The following PLEKHG1 variants were observed in gnomAD, a reference collection of about 807,000 sequenced individuals.
The protein encoded by PLEKHG1 is pleckstrin homology and RhoGEF domain containing G1.
In PLEKHG1, 44 loss-of-function variants were observed where a neutral mutation model predicts 100.8. The observed-to-expected ratio is 0.44, with a 90% CI of 0.34 to 0.56. The LOEUF is 0.56. Among genes scored for constraint, PLEKHG1 ranks in the 20% least tolerant of loss-of-function variants. The pLI, the probability that PLEKHG1 is intolerant of heterozygous loss-of-function variation, is 0.01. For missense variants in PLEKHG1, 1,545 were observed against 1,720.9 expected (o/e 0.90, Z 1.81); for synonymous variants, 640 against 662.5 (o/e 0.97, Z 0.52).
intron 10 of PLEKHG1, among the ~76,000 whole-genome samples, chr6:150,812,468 GAC>G (rs1028750384): frequency 5.3e-5 from 8 of 152,144 alleles, no homozygotes; most frequent in African/African-American, 1.7e-4. Flanking sequence ...AGATGGGGGA[GAC>G]ACAGTCTCAA....
At chr6:150,703,567 C>A (rs1416668230) in intron 3 of PLEKHG1, among the ~76,000 whole-genome samples, 2 of 149,060 alleles carry the variant, frequency 1.3e-5, no homozygotes, top group East Asian at 4.0e-4. Flanking sequence ...CGCCACTGCA[C>A]TCTTGCCTGG....
At chr6:150,700,089 A>G (rs1402054479) in intron 3 of PLEKHG1, among the ~76,000 whole-genome samples, 1 of 152,168 alleles carries the variant, frequency 6.6e-6, no homozygotes. Flanking sequence ...GGAAGGACCC[A>G]ATATTACAGT....
chr6:150,783,461 C>G (rs1785440360), intron 3 of PLEKHG1, among the ~76,000 whole-genome samples: 1 of 151,950 alleles, frequency 6.6e-6, no homozygotes, highest in African/African-American at 2.4e-5. Flanking sequence ...TCTCTGCCTC[C>G]CAGGCTCAAG....
chr6:150,809,900 A>T (rs1787387829), intron 10 of PLEKHG1, among the ~76,000 whole-genome samples, 166 bp downstream of exon 11: 1 of 151,804 alleles, frequency 6.6e-6, no homozygotes, highest in Admixed American at 6.6e-5. Flanking sequence ...TCAAAAAAAA[A>T]AAAAAGAGTT....
At chr6:150,804,538 G>A (rs1389117567) in intron 6 of PLEKHG1, 72 bp from the exon 8 acceptor site, 3 of 1,216,316 alleles carry the variant, frequency 2.5e-6, no homozygotes, top group Non-Finnish European at 3.5e-6. Flanking sequence ...AATCATAGCG[G>A]TGCCATTTGT....
At chr6:150,670,399 TAA>T (rs777731366) in intron 3 of PLEKHG1, among the ~76,000 whole-genome samples, 4 of 152,190 alleles carry the variant, frequency 2.6e-5, no homozygotes, top group Non-Finnish European at 5.9e-5. Context: ...AGAGTAAACC[TAA>T]GAACAAGGCA....
intron 3 of PLEKHG1, among the ~76,000 whole-genome samples, chr6:150,686,424 G>A (rs544786623): frequency 6.6e-6 from 1 of 152,308 alleles, no homozygotes; most frequent in Admixed American, 6.5e-5. Flanking sequence ...AATTTAGCAA[G>A]GAAAATAGTC....
intron 3 of PLEKHG1, among the ~76,000 whole-genome samples, chr6:150,773,538 A>C (rs1562505725): frequency 6.6e-6 from 1 of 152,000 alleles, no homozygotes; most frequent in African/African-American, 2.4e-5. Flanking sequence ...CGTCTCAAAA[A>C]ATAAAAATAA....
At chr6:150,751,241 C>T (rs1390094293) in intron 2 of PLEKHG1, among the ~76,000 whole-genome samples, 1 of 151,168 alleles carries the variant, frequency 6.6e-6, no homozygotes, top group Non-Finnish European at 1.5e-5. Context: ...TTCATTTCCA[C>T]TGTAATAGAG....
intron 3 of PLEKHG1, among the ~76,000 whole-genome samples, chr6:150,703,617 A>AAC (rs761484171): frequency 0.058 from 8,700 of 151,188 alleles, 311 homozygotes; most frequent in South Asian, 0.09. Flanking sequence ...AAAAAAAACA[A>AAC]AACAACTTTT....
chr6:150,723,376 C>G (rs1056590986), intron 1 of PLEKHG1, among the ~76,000 whole-genome samples: 1 of 152,188 alleles, frequency 6.6e-6, no homozygotes, highest in African/African-American at 2.4e-5. Flanking sequence ...CCTGTGCACA[C>G]ATAGCCACAC....
chr6:150,774,531 A>ATTT (rs61521577), intron 3 of PLEKHG1, among the ~76,000 whole-genome samples: 1,370 of 86,968 alleles, frequency 0.016, 158 homozygotes, highest in African/African-American at 0.049. Flanking sequence ...ATTAGTTTGA[A>ATTT]TTTTTTTTTT....
At chr6:150,741,254 C>T (rs911526731) in intron 2 of PLEKHG1, among the ~76,000 whole-genome samples, 7 of 152,194 alleles carry the variant, frequency 4.6e-5, no homozygotes, top group Admixed American at 6.5e-5. Context: ...TTGAGATTTG[C>T]AGAGTTGCTC....
exon 16 of PLEKHG1, chr6:150,842,047 T>C (rs1777551454): frequency 6.6e-6 from 1 of 152,250 alleles, no homozygotes; most frequent in African/African-American, 2.4e-5. Flanking sequence ...TAACACCTTT[T>C]ATATTCTGAC....
intron 3 of PLEKHG1, among the ~76,000 whole-genome samples, chr6:150,775,235 A>G (rs372169468): frequency 2.0e-5 from 3 of 152,320 alleles, no homozygotes; most frequent in Admixed American, 1.3e-4. Flanking sequence ...ACCAAAAAAG[A>G]AATGCCAAGT....
chr6:150,745,259 C>G (rs1452826426), intron 2 of PLEKHG1, among the ~76,000 whole-genome samples: 1 of 152,188 alleles, frequency 6.6e-6, no homozygotes, highest in Non-Finnish European at 1.5e-5. Context: ...TGTATCTAAG[C>G]ACAGAAAAGG....
intron 3 of PLEKHG1, among the ~76,000 whole-genome samples, chr6:150,780,759 C>T (rs1024686058): frequency 3.3e-5 from 5 of 152,106 alleles, no homozygotes; most frequent in Non-Finnish European, 5.9e-5. Flanking sequence ...ATGATGTTAA[C>T]GTCGTTCTTG....
At chr6:150,804,847 C>G in intron 7 of PLEKHG1, 106 bp downstream of exon 8, 3 of 1,015,408 alleles carry the variant, frequency 3.0e-6, no homozygotes, top group Non-Finnish European at 4.3e-6. Flanking sequence ...CACTCATCAT[C>G]TTCAGTGTAG....
chr6:150,673,126 C>T (rs770688337), intron 3 of PLEKHG1, among the ~76,000 whole-genome samples: 1 of 152,084 alleles, frequency 6.6e-6, no homozygotes, highest in African/African-American at 2.4e-5. Flanking sequence ...TAATTTAGGT[C>T]TGGGAATAGA....
Sources: gnomAD v4.1 joint callset for allele counts (sites outside exome capture counted in the v4.1 genomes callset) on GRCh38, gnomAD v4.1.1 for gene constraint, MANE v1.5 for transcripts, NCBI Gene and HGNC (gene_info 2026-07-23, HGNC 2026-07-21) for gene names.